The following ZDHHC15 variants were observed in gnomAD, a reference collection of about 807,000 sequenced individuals.
ZDHHC15 encodes the protein palmitoyltransferase ZDHHC15.
A neutral mutation model predicts 31.7 loss-of-function variants in ZDHHC15; 19 were observed. That is an observed-to-expected ratio of 0.60 (90% CI 0.42 to 0.88). ZDHHC15 has a LOEUF of 0.88. ZDHHC15 is among the 40% of genes least tolerant of loss of function. ZDHHC15 has a pLI of 0.00. For missense variants in ZDHHC15, 209 were observed against 251.2 expected (o/e 0.83, Z 1.14); for synonymous variants, 103 against 90.0 (o/e 1.14, Z -0.82).
intron 10 of ZDHHC15, among the ~76,000 whole-genome samples, chrX:75,405,678 TAAATCTAAAAGGAAGAGATAGACTGC>T (rs746503115): frequency 2.8e-3 from 316 of 111,761 alleles, no homozygotes; most frequent in African/African-American, 9.7e-3. Flanking sequence ...CAAACATCAC[TAAATCTAAAAGGAAGAGATAGACTGC>T]AATAAAATAA....
At chrX:75,498,706 A>G (rs2085046336) in intron 2 of ZDHHC15, among the ~76,000 whole-genome samples, 1 of 111,850 alleles carries the variant, frequency 8.9e-6, no homozygotes, top group Non-Finnish European at 1.9e-5. Context: ...AAATGACCAT[A>G]CGACAAAAGC....
At chrX:75,471,337 G>C (rs1485471326) in intron 3 of ZDHHC15, among the ~76,000 whole-genome samples, 1 of 112,107 alleles carries the variant, frequency 8.9e-6, no homozygotes, top group Non-Finnish European at 1.9e-5. Flanking sequence ...TATCACACTG[G>C]TCCATTACAT....
chrX:75,440,444 T>C (rs2083923334), intron 4 of ZDHHC15, among the ~76,000 whole-genome samples: 1 of 111,130 alleles, frequency 9.0e-6, no homozygotes, highest in Non-Finnish European at 1.9e-5. Context: ...CATGCCCAGC[T>C]AATTTTTTGT....
chrX:75,462,790 T>A (rs1241671093), intron 3 of ZDHHC15, among the ~76,000 whole-genome samples: 1 of 111,130 alleles, frequency 9.0e-6, no homozygotes, highest in Non-Finnish European at 1.9e-5. Flanking sequence ...GGGAAATTTA[T>A]AGCACTAAAT....
At chrX:75,460,102 C>T (rs752369853) in intron 3 of ZDHHC15, among the ~76,000 whole-genome samples, 23 of 111,882 alleles carry the variant, frequency 2.1e-4, no homozygotes, top group Non-Finnish European at 1.7e-4. Flanking sequence ...CTTGAACTCC[C>T]GACCTCAGGT....
At chrX:75,426,706 A>G (rs1328845508) in intron 7 of ZDHHC15, among the ~76,000 whole-genome samples, 21 of 111,706 alleles carry the variant, frequency 1.9e-4, no homozygotes, top group East Asian at 5.6e-4. Context: ...AATATAGAGA[A>G]GAGAGAAATA....
intron 10 of ZDHHC15, among the ~76,000 whole-genome samples, chrX:75,406,542 T>A (rs1426167008): frequency 9.1e-6 from 1 of 109,899 alleles, no homozygotes; most frequent in Non-Finnish European, 1.9e-5. Context: ...ATACAAAGAA[T>A]CATTAGAGAT....
Position 75,522,870 on chromosome X carries a change from G to A in ZDHHC15, c.136+19C>T. On this transcript the variant is annotated intron_variant, in intron 1 of 11. Coordinates refer to ENST00000373367, the MANE Select transcript of ZDHHC15 (RefSeq NM_144969.3). ...ATTGGAGTATAATTTCCCCACCTTA[G>A]GTGCCCAGCCCCACTTACCCAGGCA... 2 of 1,211,149 alleles carry A rather than the reference G, an allele frequency of 1.7e-6. No individual in the cohort carries two copies. The highest frequency in any genetic ancestry group is 1.8e-5 in the South Asian group (1 of 56,918).
At position 75,433,687 on chromosome X, in the gene ZDHHC15, GTGTGTGTGTGTATA is replaced by G. The variant is rs1305890287; in HGVS notation, c.380-2181_380-2168del. ...TGTGTGTGTGTGTGTGTGTGTGTGT[GTGTGTGTGTGTATA>G]TATATATATATATATATGTAACATT... On this transcript the variant is annotated intron_variant, in intron 4 of 11. Coordinates refer to ENST00000373367, the MANE Select transcript of ZDHHC15 (RefSeq NM_144969.3). Among the ~76,000 whole-genome samples, 33 of 8,162 alleles carry G rather than the reference GTGTGTGTGTGTATA, an allele frequency of 4.0e-3. No individual in the cohort carries two copies. The East Asian group carries it at 0.14, about 35-fold the overall frequency. The allele number at this position is 8,162 out of a possible 115,157, so 7.1% of individuals were successfully genotyped here. A position where few individuals can be genotyped will look rare whatever the true frequency, so the allele number is the denominator to read the frequency against.
chrX:75,490,058 C>A (rs1038493100), intron 2 of ZDHHC15, among the ~76,000 whole-genome samples: 1 of 111,230 alleles, frequency 9.0e-6, no homozygotes, highest in Non-Finnish European at 1.9e-5. Flanking sequence ...ATAAAAGAAA[C>A]GAACAAAGCC....
In ZDHHC15 at chrX:75,369,119, C is replaced by A. The variant is rs1397891684; in HGVS notation, c.*3859G>T. ...ACAATCTCATTAGATGCCCCCTGTG[C>A]TTCTCCATAGAACGTCTTCTGTACC... On this transcript the variant is annotated 3_prime_UTR_variant, in exon 12 of 12. Transcript: ENST00000373367. 8.9e-6 allele frequency: 1 copy of A among 112,081 alleles called. No homozygotes were observed. Among genetic ancestry groups the A allele is most frequent in the Non-Finnish European group, 1.9e-5 (1 of 53,231 alleles). The allele number at this position is 112,081 out of a possible 1,213,427, so 9.2% of individuals were successfully genotyped here.
chrX:75,503,063 TA>T (rs1182055225), intron 2 of ZDHHC15, among the ~76,000 whole-genome samples: 27 of 110,646 alleles, frequency 2.4e-4, no homozygotes, highest in South Asian at 1.1e-3. Flanking sequence ...CTGATGTGAT[TA>T]TTACACATTG....
rs187054227 is a variant in ZDHHC15, at chrX:75,475,385, G to A, written c.258+3506C>T. 3.6e-5 allele frequency among the ~76,000 whole-genome samples: 4 copies of A among 111,265 alleles called. No homozygotes were observed. In the East Asian group the frequency reaches 1.1e-3, roughly 31 times the overall value. ...AGTTTAGATCTTGGATCTATTTTAAGTTAATTTTTATATATGGTGTGAGGT... is the reference window on the plus strand; with the variant it reads ...AGTTTAGATCTTGGATCTATTTTAAATTAATTTTTATATATGGTGTGAGGT... On this transcript the variant is annotated intron_variant, in intron 3 of 11. Coordinates refer to ENST00000373367, the MANE Select transcript of ZDHHC15 (RefSeq NM_144969.3).
At chrX:75,399,955 C>G (rs1170372428) in intron 10 of ZDHHC15, among the ~76,000 whole-genome samples, 4 of 111,339 alleles carry the variant, frequency 3.6e-5, no homozygotes, top group African/African-American at 6.5e-5. Flanking sequence ...GTGAAAACAT[C>G]CAGAAAAGAA....
chrX:75,427,815 T>C (rs1264740704), intron 7 of ZDHHC15, among the ~76,000 whole-genome samples: 1 of 111,682 alleles, frequency 9.0e-6, no homozygotes, highest in African/African-American at 3.2e-5. Flanking sequence ...TTAATGATTA[T>C]GGCATCTATT....
At chrX:75,431,324 A>C in intron 5 of ZDHHC15, 127 bp downstream of exon 5, 1 of 575,101 alleles carries the variant, frequency 1.7e-6, no homozygotes, top group Non-Finnish European at 2.6e-6. Flanking sequence ...GTTTTGGCAT[A>C]TGCTCATTAT....
In ZDHHC15 at chrX:75,503,767, G is replaced by A. The variant is rs1345375311; in HGVS notation, c.163+2054C>T. On this transcript the variant is annotated intron_variant, in intron 2 of 11. Coordinates refer to ENST00000373367, the MANE Select transcript of ZDHHC15 (RefSeq NM_144969.3). ...CTGTGGTAATAAATGACCACAAGCT[G>A]GGTGGCTTAAAATAATAGAAATTTA... Among the ~76,000 whole-genome samples the A allele has an allele frequency of 2.7e-5, 3 of 111,372 alleles. No individual in the cohort carries two copies. In the Admixed American group the frequency reaches 2.9e-4, roughly 11 times the overall value.
intron 2 of ZDHHC15, chrX:75,502,319 A>G (rs1312014792): frequency 9.0e-6 from 1 of 111,398 alleles, no homozygotes; most frequent in Non-Finnish European, 1.9e-5. Flanking sequence ...ACCTCATTTT[A>G]ACTTAACTAC....
Position 75,379,052 on chromosome X carries a change from G to A in ZDHHC15, c.*32+68C>T, listed in dbSNP as rs976375278. Reference sequence around the variant, plus strand: ...AGGATAAGAACTTATTTCTTTTCTAGTTCTTCTCCCAAGCCGCCTTCTTAG... The same window carrying A: ...AGGATAAGAACTTATTTCTTTTCTAATTCTTCTCCCAAGCCGCCTTCTTAG... On this transcript the variant is annotated intron_variant, in intron 11 of 11. Coordinates refer to ENST00000373367, the MANE Select transcript of ZDHHC15 (RefSeq NM_144969.3). 2.0e-5 allele frequency: 18 copies of A among 884,852 alleles called. No homozygotes were observed. In the African/African-American group the frequency reaches 3.6e-4, roughly 18 times the overall value. The allele number at this position is 884,852 out of a possible 1,213,427, so 72.9% of individuals were successfully genotyped here.
Sources: gnomAD v4.1 joint callset for allele counts (sites outside exome capture counted in the v4.1 genomes callset) on GRCh38, gnomAD v4.1.1 for gene constraint, MANE v1.5 for transcripts, NCBI Gene and HGNC (gene_info 2026-07-23, HGNC 2026-07-21) for gene names.